The following MED12L variants were observed in gnomAD, a reference collection of about 807,000 sequenced individuals.
The protein encoded by MED12L is mediator of RNA polymerase II transcription subunit 12-like protein.
In MED12L, 60 loss-of-function variants were observed where a neutral mutation model predicts 281.3. That is an observed-to-expected ratio of 0.21 (90% CI 0.17 to 0.26). The LOEUF is 0.26. MED12L is among the 10% of genes least tolerant of loss of function. The probability of loss-of-function intolerance (pLI) is 1.00; values close to 1 mark genes in which losing one functional copy is unlikely to be tolerated. For missense variants in MED12L, 2,146 were observed against 2,680.9 expected, an observed-to-expected ratio of 0.80 and a Z score of 4.41; for synonymous variants, 974 against 987.2, an observed-to-expected ratio of 0.99 and a Z score of 0.25.
intron 16 of MED12L, chr3:151,328,259 A>G (rs1196503068): frequency 5.0e-6 from 8 of 1,613,920 alleles, no homozygotes; most frequent in African/African-American, 1.3e-5. Context: ...AGCAAAACAC[A>G]CAAAGAAGAC....
At chr3:151,330,990 A>T (rs940036597) in intron 16 of MED12L, among the ~76,000 whole-genome samples, 11 of 152,236 alleles carry the variant, frequency 7.2e-5, no homozygotes, top group African/African-American at 2.7e-4. Context: ...AAGATCTGGA[A>T]TAGTTTTTCT....
chr3:151,249,584 T>C (rs1044144355), intron 16 of MED12L, among the ~76,000 whole-genome samples: 17 of 152,168 alleles, frequency 1.1e-4, no homozygotes, highest in Admixed American at 6.5e-5. Context: ...TCTAGACTTA[T>C]CCTGGTCTAG....
chr3:151,247,087 G>C (rs1023901098), intron 16 of MED12L, among the ~76,000 whole-genome samples: 2 of 152,208 alleles, frequency 1.3e-5, no homozygotes, highest in Non-Finnish European at 2.9e-5. Context: ...CAGTTAGATT[G>C]GCAATAATTA....
At chr3:151,362,804 G>T (rs1039354716) in intron 21 of MED12L, among the ~76,000 whole-genome samples, 1 of 152,120 alleles carries the variant, frequency 6.6e-6, no homozygotes, top group Non-Finnish European at 1.5e-5. Context: ...AAATGGGTTA[G>T]GTTTCAAAAT....
intron 3 of MED12L, among the ~76,000 whole-genome samples, chr3:151,118,090 C>CA (rs778516389): frequency 0.13 from 11,140 of 87,552 alleles, 828 homozygotes; most frequent in East Asian, 0.23. Flanking sequence ...GACTCCATCT[C>CA]AAAAAAAAAA....
intron 16 of MED12L, among the ~76,000 whole-genome samples, chr3:151,225,651 G>A (rs1212720032): frequency 6.6e-6 from 1 of 152,286 alleles, no homozygotes; most frequent in East Asian, 1.9e-4. Flanking sequence ...TCTCATCCGT[G>A]TTCTGCATTC....
intron 16 of MED12L, among the ~76,000 whole-genome samples, chr3:151,228,662 T>C (rs13317873): frequency 0.48 from 72,917 of 151,744 alleles, 17,987 homozygotes; most frequent in Middle Eastern, 0.62. Context: ...AACAACAGAG[T>C]GTATGTATGA....
intron 16 of MED12L, chr3:151,294,512 C>T (rs1744790548): frequency 1.2e-6 from 2 of 1,614,062 alleles, no homozygotes; most frequent in East Asian, 2.2e-5. Context: ...TCGCTTTCGG[C>T]TTGACTGACT....
chr3:151,199,027 G>A, intron 16 of MED12L: 2 of 1,614,108 alleles, frequency 1.2e-6, no homozygotes, highest in South Asian at 1.1e-5. Flanking sequence ...GGTAGATCTT[G>A]CAGCTGTGTG....
At chr3:151,410,300 A>G (rs1171985784) in intron 40 of MED12L, among the ~76,000 whole-genome samples, 1 of 152,214 alleles carries the variant, frequency 6.6e-6, no homozygotes, top group Non-Finnish European at 1.5e-5. Context: ...GGAATCAGGA[A>G]TGCAGGGGTG....
chr3:151,237,127 C>T (rs1042255509), intron 16 of MED12L, among the ~76,000 whole-genome samples: 3 of 150,788 alleles, frequency 2.0e-5, no homozygotes, highest in African/African-American at 4.9e-5. Context: ...CTGCAACCTC[C>T]GTTTCCCAGG....
intron 16 of MED12L, among the ~76,000 whole-genome samples, chr3:151,292,945 T>C (rs1480113376): frequency 2.0e-5 from 3 of 152,166 alleles, no homozygotes; most frequent in Admixed American, 6.5e-5. Flanking sequence ...TTGGGGGCGG[T>C]GATAGCTATG....
intron 2 of MED12L, among the ~76,000 whole-genome samples, chr3:151,107,774 C>T (rs1422064673): frequency 6.6e-6 from 1 of 151,996 alleles, no homozygotes; most frequent in East Asian, 1.9e-4. Context: ...CTTATGTAAC[C>T]TCAGTCCTGT....
At chr3:151,402,573 G>T (rs1715820811) in intron 39 of MED12L, among the ~76,000 whole-genome samples, 1 of 152,156 alleles carries the variant, frequency 6.6e-6, no homozygotes, top group Non-Finnish European at 1.5e-5. Flanking sequence ...CTGGCCCTAG[G>T]GCGGGAAGGA....
Position 151,129,584 on chromosome 3 carries a change from A to G in MED12L, c.556+1600A>G, listed in dbSNP as rs141918584. On this transcript the variant is annotated intron_variant, in intron 5 of 44. Transcript: ENST00000687756. ...TACATTTTCATTACAAAATTTTCAA[A>G]TAGTGCTGAAGTAGATACAACATGA... 5.9e-5 allele frequency among the ~76,000 whole-genome samples: 9 copies of G among 152,200 alleles called. No individual in the cohort carries two copies. The East Asian group carries it at 1.7e-3, about 29-fold the overall frequency.
Position 151,203,650 on chromosome 3 carries a change from CAG to C in MED12L, c.2250+9987_2250+9988del, listed in dbSNP as rs542179989. Among the ~76,000 whole-genome samples the C allele has an allele frequency of 4.5e-4, 68 of 151,854 alleles. 1 individual carries two copies. Among genetic ancestry groups the C allele is most frequent in the African/African-American group, 1.5e-3 (64 of 41,426 alleles). On this transcript the variant is annotated intron_variant, in intron 16 of 44. Coordinates refer to ENST00000687756, the MANE Select transcript of MED12L (RefSeq NM_001393769.1). ...GAAGTAAACAAAAAGATGTGTTTTACAGAGTCAGCTAATGTATACATTTTATT... is the reference window on the plus strand; with the variant it reads ...GAAGTAAACAAAAAGATGTGTTTTACAGTCAGCTAATGTATACATTTTATT...
At chr3:151,299,403 C>CTTTTCTTTTCTTT (rs1559999744) in intron 16 of MED12L, among the ~76,000 whole-genome samples, 5 of 7,684 alleles carry the variant, frequency 6.5e-4, no homozygotes, top group Admixed American at 1.4e-3. Flanking sequence ...TTCTTTTCCC[C>CTTTTCTTTTCTTT]TCCCCTCCCC....
At chr3:151,171,110 GTAC>G (rs1440352828) in intron 11 of MED12L, among the ~76,000 whole-genome samples, 1 of 152,174 alleles carries the variant, frequency 6.6e-6, no homozygotes, top group Admixed American at 6.5e-5. Context: ...TCTACAACAT[GTAC>G]TCACTTATTT....
chr3:151,349,828 A>G (rs965224241), intron 16 of MED12L, among the ~76,000 whole-genome samples: 9 of 150,728 alleles, frequency 6.0e-5, no homozygotes, highest in African/African-American at 2.2e-4. Flanking sequence ...AAGTGCTTCT[A>G]TTAAGACTTC....
Sources: gnomAD v4.1 joint callset for allele counts (sites outside exome capture counted in the v4.1 genomes callset) on GRCh38, gnomAD v4.1.1 for gene constraint, MANE v1.5 for transcripts, NCBI Gene and HGNC (gene_info 2026-07-23, HGNC 2026-07-21) for gene names.